SCGB2B2: variants seen among roughly 807,000 people sequenced by gnomAD.
The protein encoded by SCGB2B2 is secretoglobin-like protein.
Under a neutral mutation model 7.6 loss-of-function variants are expected in SCGB2B2, and 11 were observed. The observed-to-expected ratio is 1.45, with a 90% CI of 0.91 to 2.40. The LOEUF (loss-of-function observed/expected upper bound fraction) is 2.40, where lower values mean the gene tolerates loss of function less well. Among genes scored for constraint, SCGB2B2 ranks in the 30% most tolerant of loss-of-function variants. The probability of loss-of-function intolerance (pLI) is 0.00; values close to 1 mark genes in which losing one functional copy is unlikely to be tolerated. For missense variants in SCGB2B2, 104 were observed against 115.4 expected (o/e 0.90, Z 0.45); for synonymous variants, 50 against 48.6 (o/e 1.03, Z -0.12).
chr19:34,607,212 G>A (rs1025416616), intron 1 of SCGB2B2, among the ~76,000 whole-genome samples: 4 of 152,202 alleles, frequency 2.6e-5, no homozygotes, highest in Non-Finnish European at 5.9e-5. Context: ...TTGTTGAAAG[G>A]AGCAGGATTT....
intron 1 of SCGB2B2, among the ~76,000 whole-genome samples, chr19:34,601,913 C>G (rs937112489): frequency 6.6e-6 from 1 of 151,954 alleles, no homozygotes; most frequent in Non-Finnish European, 1.5e-5. Context: ...GTGTTTTGTT[C>G]TTGACAGCTT....
intron 1 of SCGB2B2, among the ~76,000 whole-genome samples, chr19:34,634,625 CA>C (rs2066625720): frequency 6.6e-6 from 1 of 152,190 alleles, no homozygotes. Context: ...CCCTGCGTTC[CA>C]AGGCCTTCCT....
downstream of SCGB2B2, among the ~76,000 whole-genome samples, chr19:34,588,993 G>A (rs2065242045): frequency 6.6e-6 from 1 of 152,168 alleles, no homozygotes; most frequent in African/African-American, 2.4e-5. Flanking sequence ...CTCAAGGTCA[G>A]CAGGCTGGGT....
chr19:34,626,287 G>C (rs1370194884), intron 1 of SCGB2B2, among the ~76,000 whole-genome samples: 2 of 152,138 alleles, frequency 1.3e-5, no homozygotes, highest in Non-Finnish European at 2.9e-5. Context: ...AGAGAAGAAG[G>C]CTTCAGACGA....
chr19:34,669,386 GACAA>G (rs1386272810), intron 1 of SCGB2B2, among the ~76,000 whole-genome samples: 1 of 152,172 alleles, frequency 6.6e-6, no homozygotes. Context: ...TACCCATTCA[GACAA>G]ACAAACTCAT....
At chr19:34,634,306 G>C (rs1046031279) in intron 1 of SCGB2B2, among the ~76,000 whole-genome samples, 1 of 152,182 alleles carries the variant, frequency 6.6e-6, no homozygotes, top group Non-Finnish European at 1.5e-5. Context: ...GAAGCGGAGG[G>C]AGTACAGAGG....
intron 1 of SCGB2B2, among the ~76,000 whole-genome samples, chr19:34,624,344 G>T (rs959111018): frequency 2.0e-5 from 3 of 152,078 alleles, no homozygotes; most frequent in African/African-American, 7.2e-5. Flanking sequence ...ACTATCATTG[G>T]GGAACAAAAA....
At chr19:34,627,660 T>TA (rs2066416500) in intron 1 of SCGB2B2, among the ~76,000 whole-genome samples, 1 of 152,070 alleles carries the variant, frequency 6.6e-6, no homozygotes, top group Admixed American at 6.5e-5. Context: ...TCCCATACAA[T>TA]AATAATGGGA....
intron 1 of SCGB2B2, among the ~76,000 whole-genome samples, chr19:34,664,220 T>G (rs1326655698): frequency 6.6e-6 from 1 of 152,206 alleles, no homozygotes; most frequent in African/African-American, 2.4e-5. Context: ...GGAGCCAGCC[T>G]GGCCACAGGG....
rs141698429 is a variant in SCGB2B2, at chr19:34,671,272, C to A, written c.-2032+4358G>T. On this transcript the variant is annotated intron_variant, in intron 1 of 3. Transcript: ENST00000601241. ...CAACAACACTTGTTGAAAACACGAT[C>A]TTCAGTGAATTGCCTTTGCACCTTT... Among the ~76,000 whole-genome samples, 486 of 152,324 alleles carry A rather than the reference C, an allele frequency of 3.2e-3. 2 individuals are homozygous for A. Among genetic ancestry groups the A allele is most frequent in the African/African-American group, 0.011 (459 of 41,568 alleles).
At chr19:34,632,757 A>G (rs1352395844) in intron 1 of SCGB2B2, 1 of 152,246 alleles carries the variant, frequency 6.6e-6, no homozygotes, top group Non-Finnish European at 1.5e-5. Flanking sequence ...TCTGTATTTT[A>G]TGGTGACATC....
intron 1 of SCGB2B2, among the ~76,000 whole-genome samples, chr19:34,654,878 T>C (rs2067243316): frequency 6.6e-6 from 1 of 151,122 alleles, no homozygotes; most frequent in Non-Finnish European, 1.5e-5. Context: ...CAGCCTCCCA[T>C]CAATTAAACC....
intron 1 of SCGB2B2, among the ~76,000 whole-genome samples, chr19:34,627,708 T>C (rs1427093152): frequency 2.0e-5 from 3 of 152,174 alleles, no homozygotes; most frequent in African/African-American, 7.2e-5. Context: ...ATTAGACAGA[T>C]CAACGAGACA....
chr19:34,624,806 G>A (rs969738217), intron 1 of SCGB2B2, among the ~76,000 whole-genome samples: 1 of 152,154 alleles, frequency 6.6e-6, no homozygotes, highest in African/African-American at 2.4e-5. Context: ...ACACCCAAGA[G>A]TGATGGGGGA....
intron 1 of SCGB2B2, among the ~76,000 whole-genome samples, chr19:34,637,532 C>G (rs2066717873): frequency 6.6e-6 from 1 of 152,054 alleles, no homozygotes; most frequent in Admixed American, 6.5e-5. Flanking sequence ...GACACCGGGT[C>G]CATCGTGAGT....
intron 1 of SCGB2B2, chr19:34,632,709 T>C: frequency 6.6e-6 from 1 of 152,198 alleles, no homozygotes; most frequent in East Asian, 1.9e-4. Flanking sequence ...AAGGTAAACA[T>C]CCACTTACCC....
chr19:34,665,800 GAGGCCCAGAGGGGCCTC>G (rs1343267493), intron 1 of SCGB2B2, among the ~76,000 whole-genome samples: 1 of 152,036 alleles, frequency 6.6e-6, no homozygotes, highest in Non-Finnish European at 1.5e-5. Flanking sequence ...CCAGCCCTGG[GAGGCCCAGAGGGGCCTC>G]AGGTCCTCAG....
intron 1 of SCGB2B2, among the ~76,000 whole-genome samples, chr19:34,605,480 C>T (rs573403662): frequency 6.6e-6 from 1 of 152,216 alleles, no homozygotes; most frequent in Admixed American, 6.5e-5. Flanking sequence ...TTTTCCAGAA[C>T]TGCTTATCAA....
intron 1 of SCGB2B2, among the ~76,000 whole-genome samples, chr19:34,663,721 G>A (rs1173603893): frequency 2.0e-5 from 3 of 152,082 alleles, no homozygotes; most frequent in African/African-American, 7.2e-5. Context: ...TGTGTCATAT[G>A]TCACAATAGA....
Sources: gnomAD v4.1 joint callset for allele counts (sites outside exome capture counted in the v4.1 genomes callset) on GRCh38, gnomAD v4.1.1 for gene constraint, MANE v1.5 for transcripts, NCBI Gene and HGNC (gene_info 2026-07-23, HGNC 2026-07-21) for gene names.